The following EIF4G3 variants were observed in gnomAD, a reference collection of about 807,000 sequenced individuals.
EIF4G3 encodes eukaryotic translation initiation factor 4 gamma 3, also known as eIF-4-gamma 3.
Under a neutral mutation model 186.4 loss-of-function variants are expected in EIF4G3, and 34 were observed. The ratio of observed to expected loss-of-function variants is 0.18; its 90% CI spans 0.14 to 0.24. The LOEUF (loss-of-function observed/expected upper bound fraction) is 0.24. EIF4G3 is among the 10% of genes least tolerant of loss of function. The pLI is 1.00. For missense variants in EIF4G3, 1,536 were observed against 1,948.5 expected, an observed-to-expected ratio of 0.79 and a Z score of 3.99; for synonymous variants, 673 against 679.5, an observed-to-expected ratio of 0.99 and a Z score of 0.15.
chr1:20,905,846 T>C (rs975623092), intron 14 of EIF4G3, among the ~76,000 whole-genome samples: 2 of 152,142 alleles, frequency 1.3e-5, no homozygotes, highest in African/African-American at 4.8e-5. Context: ...TAGGGAACAT[T>C]ACCAAAAGCA....
chr1:20,869,879 T>TTTTC (rs2078714831), intron 20 of EIF4G3, among the ~76,000 whole-genome samples: 1 of 152,068 alleles, frequency 6.6e-6, no homozygotes, highest in Non-Finnish European at 1.5e-5. Context: ...TGACATACTA[T>TTTTC]TTTCTATCAG....
intron 3 of EIF4G3, among the ~76,000 whole-genome samples, chr1:21,083,830 A>AT (rs1458219888): frequency 6.6e-6 from 1 of 152,152 alleles, no homozygotes; most frequent in Non-Finnish European, 1.5e-5. Context: ...ACATGTCCTC[A>AT]TTTATGAGGT....
At chr1:20,847,544 A>G (rs79839218) in intron 29 of EIF4G3, among the ~76,000 whole-genome samples, 7 of 152,282 alleles carry the variant, frequency 4.6e-5, no homozygotes, top group Non-Finnish European at 1.5e-5. Context: ...CCTTCAAATT[A>G]CATCTGAAGC....
intron 14 of EIF4G3, among the ~76,000 whole-genome samples, chr1:20,921,240 C>T (rs1284220719): frequency 6.6e-6 from 1 of 152,030 alleles, no homozygotes; most frequent in Non-Finnish European, 1.5e-5. Flanking sequence ...AAAGCAAAAG[C>T]CAAGAAAAGC....
intron 2 of EIF4G3, among the ~76,000 whole-genome samples, chr1:21,139,555 A>G (rs1372078657): frequency 6.6e-6 from 1 of 152,252 alleles, no homozygotes; most frequent in East Asian, 1.9e-4. Context: ...GCAAATAACA[A>G]GGCAAAAACC....
intron 7 of EIF4G3, among the ~76,000 whole-genome samples, chr1:20,990,799 C>T (rs1316577914): frequency 6.6e-6 from 1 of 152,222 alleles, no homozygotes; most frequent in African/African-American, 2.4e-5. Context: ...AAATTCACGA[C>T]TTGCTTTATT....
chr1:20,843,706 A>G (rs1227961566), intron 29 of EIF4G3, among the ~76,000 whole-genome samples: 1 of 152,156 alleles, frequency 6.6e-6, no homozygotes, highest in Non-Finnish European at 1.5e-5. Flanking sequence ...CTACATAGGT[A>G]AATGTGTGTC....
chr1:21,026,936 CAAA>C (rs146144076), intron 4 of EIF4G3, among the ~76,000 whole-genome samples: 1 of 88,232 alleles, frequency 1.1e-5, no homozygotes, highest in Non-Finnish European at 2.3e-5. Context: ...GACACTGTCT[CAAA>C]AAAAAAAAAA....
At chr1:21,138,691 A>T (rs1448383165) in intron 2 of EIF4G3, among the ~76,000 whole-genome samples, 2 of 152,022 alleles carry the variant, frequency 1.3e-5, no homozygotes, top group African/African-American at 4.8e-5. Flanking sequence ...CACGCCTGTA[A>T]TCCCAGCTAC....
intron 12 of EIF4G3, among the ~76,000 whole-genome samples, chr1:20,955,000 C>G (rs539474022): frequency 6.6e-6 from 1 of 152,142 alleles, no homozygotes; most frequent in African/African-American, 2.4e-5. Flanking sequence ...GCAGAGAGAA[C>G]ACATGTACGA....
At chr1:21,170,104 G>A (rs977129051) in intron 2 of EIF4G3, among the ~76,000 whole-genome samples, 3 of 152,110 alleles carry the variant, frequency 2.0e-5, no homozygotes, top group African/African-American at 7.2e-5. Context: ...GAATCCAGGA[G>A]GCGGAGGTTG....
At chr1:21,094,877 C>T (rs2096320214) in intron 2 of EIF4G3, among the ~76,000 whole-genome samples, 1 of 151,902 alleles carries the variant, frequency 6.6e-6, no homozygotes, top group South Asian at 2.1e-4. Context: ...GAGCCTGGCA[C>T]AGTGGTGCAT....
At chr1:20,899,628 G>A in intron 16 of EIF4G3, 69 bp downstream of exon 16, 2 of 1,554,770 alleles carry the variant, frequency 1.3e-6, no homozygotes, top group Non-Finnish European at 1.7e-6. Context: ...TCTCTAAAAA[G>A]AGGCAACATT....
At chr1:21,012,428 T>C (rs542390904) in intron 4 of EIF4G3, among the ~76,000 whole-genome samples, 1 of 152,202 alleles carries the variant, frequency 6.6e-6, no homozygotes, top group Non-Finnish European at 1.5e-5. Flanking sequence ...ATCTGCTTCA[T>C]AAAGCAGGAC....
At chr1:20,954,725 G>A (rs1558419241) in intron 12 of EIF4G3, among the ~76,000 whole-genome samples, 1 of 151,958 alleles carries the variant, frequency 6.6e-6, no homozygotes, top group Non-Finnish European at 1.5e-5. Flanking sequence ...TCTACTCATG[G>A]CTAAGACAAC....
Position 21,100,599 on chromosome 1 carries a change from G to A in EIF4G3, c.-271-11386C>T, listed in dbSNP as rs970189062. On this transcript the variant is annotated intron_variant, in intron 2 of 36. Transcript: ENST00000602326. Reference sequence around the variant, plus strand: ...TATGGCTTGCCAAGCACAGTTTCACGTGCCTATAGTCCCAACTACTCAGGA... The same window carrying A: ...TATGGCTTGCCAAGCACAGTTTCACATGCCTATAGTCCCAACTACTCAGGA... Among the ~76,000 whole-genome samples, 10 of 151,980 alleles carry A rather than the reference G, an allele frequency of 6.6e-5. 1 individual carries two copies. Among genetic ancestry groups the A allele is most frequent in the African/African-American group, 2.2e-4 (9 of 41,360 alleles).
intron 4 of EIF4G3, among the ~76,000 whole-genome samples, chr1:21,008,864 T>G (rs2086107351): frequency 6.6e-6 from 1 of 152,172 alleles, no homozygotes; most frequent in Admixed American, 6.5e-5. Context: ...ATTAATAAAT[T>G]GTGTTGAGAA....
At chr1:20,891,278 A>T (rs2085930191) in intron 18 of EIF4G3, among the ~76,000 whole-genome samples, 1 of 152,216 alleles carries the variant, frequency 6.6e-6, no homozygotes, top group Non-Finnish European at 1.5e-5. Context: ...CTGGAAGAGG[A>T]TTTATACATT....
rs76291372 is a variant in EIF4G3, at chr1:20,824,547, C to A, written c.4368+553G>T. On this transcript the variant is annotated intron_variant, in intron 33 of 36. Coordinates refer to ENST00000602326, the MANE Select transcript of EIF4G3 (RefSeq NM_001391906.1). Reference sequence around the variant, plus strand: ...ATGGTTACCTCAACCTAACAGCCCACAAATCCTCCTATAGGACCAGATTAT... The same window carrying A: ...ATGGTTACCTCAACCTAACAGCCCAAAAATCCTCCTATAGGACCAGATTAT... Among the ~76,000 whole-genome samples, 858 of 152,296 alleles carry A rather than the reference C, an allele frequency of 5.6e-3. 3 individuals are homozygous for A. The highest frequency in any genetic ancestry group is 9.7e-3 in the Non-Finnish European group (658 of 68,026).
Sources: allele counts gnomAD v4.1 joint callset (sites outside exome capture counted in the v4.1 genomes callset), GRCh38; gene constraint gnomAD v4.1.1; transcripts MANE v1.5; gene names NCBI Gene and HGNC (gene_info 2026-07-23, HGNC 2026-07-21).